The following BASP1 variants were observed in gnomAD, a reference collection of about 807,000 sequenced individuals.
BASP1 encodes brain abundant membrane attached signal protein 1, also known as brain acid soluble protein 1.
A neutral mutation model predicts 2.2 loss-of-function variants in BASP1; 1 was observed. The observed-to-expected ratio is 0.46, with a 90% CI of 0.16 to 2.17. The LOEUF is 2.17. Ranked by LOEUF, BASP1 falls within the 30% of genes most tolerant of loss-of-function variation. BASP1 has a pLI of 0.27. For synonymous variants in BASP1, 187 were observed against 154.2 expected, an observed-to-expected ratio of 1.21 and a Z score of -1.58; for missense variants, 352 against 327.2, an observed-to-expected ratio of 1.08 and a Z score of -0.58.
chr5:17,231,351 C>G (rs187617845), intron 1 of BASP1, among the ~76,000 whole-genome samples: 1 of 152,082 alleles, frequency 6.6e-6, no homozygotes, highest in Non-Finnish European at 1.5e-5. Context: ...CTACTTGAAG[C>G]CATTAATCTA....
intron 1 of BASP1, among the ~76,000 whole-genome samples, chr5:17,228,899 A>G (rs1159523121): frequency 1.3e-5 from 2 of 152,220 alleles, no homozygotes; most frequent in Non-Finnish European, 2.9e-5. Context: ...AGAATGATGT[A>G]ATGCTGCAAA....
In BASP1 at chr5:17,275,944, C is replaced by CCTCTCTCTCT. The variant is rs59080603; in HGVS notation, c.*61_*70dup. On this transcript the variant is annotated 3_prime_UTR_variant, in exon 2 of 2. Coordinates refer to ENST00000322611, the MANE Select transcript of BASP1 (RefSeq NM_006317.5). This position sits in a 1 kb window ranked among gnomAD's most constrained non-coding sequence, Gnocchi z 5.3. ...AAAACAATACCACTTAAAACAATCT[C>CCTCTCTCTCT]CTCTCTCTCTCTCTCTCTCTCTCTC... 146 of 1,084,386 alleles carry CCTCTCTCTCT rather than the reference C, an allele frequency of 1.3e-4. No individual in the cohort carries two copies. In the East Asian group the frequency reaches 2.7e-3, roughly 20 times the overall value. The allele number at this position is 1,084,386 out of a possible 1,614,324, so 67.2% of individuals were successfully genotyped here.
In BASP1 at chr5:17,275,997, T is replaced by C; in HGVS notation, c.*97T>C. ...TCTCTCTCTCTATCTCCTCTCTCTCTCTCCTCTCCTATCTCTCCTCTCTCT... is the reference window on the plus strand; with the variant it reads ...TCTCTCTCTCTATCTCCTCTCTCTCCCTCCTCTCCTATCTCTCCTCTCTCT... On this transcript the variant is annotated 3_prime_UTR_variant, in exon 2 of 2. Coordinates refer to ENST00000322611, the MANE Select transcript of BASP1 (RefSeq NM_006317.5). The surrounding 1 kb of genome is among the most constrained non-coding windows in gnomAD (Gnocchi z 5.3). The C allele has an allele frequency of 1.8e-6, 2 of 1,084,816 alleles. No individual in the cohort carries two copies. The highest frequency in any genetic ancestry group is 6.9e-5 in the Admixed American group (2 of 29,096). The allele number at this position is 1,084,816 out of a possible 1,614,324, so 67.2% of individuals were successfully genotyped here.
chr5:17,218,984 G>T (rs1540599), intron 1 of BASP1, among the ~76,000 whole-genome samples: 83,346 of 144,444 alleles, frequency 0.58, 23,108 homozygotes, highest in African/African-American at 0.67. Context: ...CATTTTTTAG[G>T]ACCTTGTACA....
chr5:17,244,254 A>G (rs1739931896), intron 1 of BASP1, among the ~76,000 whole-genome samples: 1 of 152,226 alleles, frequency 6.6e-6, no homozygotes, highest in South Asian at 2.1e-4. Context: ...ATCTGCTTAT[A>G]AGTGATCTAC....
intron 1 of BASP1, among the ~76,000 whole-genome samples, chr5:17,248,547 T>C (rs1006136318): frequency 6.6e-6 from 1 of 152,202 alleles, no homozygotes; most frequent in Non-Finnish European, 1.5e-5. Flanking sequence ...TATGCTGTTG[T>C]TTAATAATCA....
In BASP1 at chr5:17,275,593, C is replaced by T. The variant is rs571683464; in HGVS notation, c.377C>T (p.Ala126Val). 1.7e-5 allele frequency: 24 copies of T among 1,410,310 alleles called. 1 individual carries two copies. The South Asian group carries it at 3.2e-4, about 19-fold the overall frequency. 87.4% of individuals were successfully genotyped at this position (1,410,310 alleles called of 1,614,324 possible). ...GGEAPKAAEA[A>V]AAPAESAAPA... ...GAGGCCCCCAAAGCTGCTGAGGCCG[C>T]CGCGGCCCCGGCCGAGAGCGCGGCC... is the stretch of plus-strand genomic sequence containing the variant. Residue 126 changes from alanine (A) to valine (V), a missense_variant, in exon 2 of 2, where the codon GCC (alanine) becomes GTC (valine). Ala to Val is a moderately conservative substitution (Grantham distance 64). Transcript: ENST00000322611. The surrounding 1 kb of genome is among the most constrained non-coding windows in gnomAD (Gnocchi z 5.3).
chr5:17,264,271 T>C lies in BASP1; in HGVS notation c.-9-10937T>C, dbSNP rs568562931. 8.5e-5 allele frequency among the ~76,000 whole-genome samples: 13 copies of C among 152,372 alleles called. No homozygotes were observed. In the East Asian group the frequency reaches 1.3e-3, roughly 16 times the overall value. On this transcript the variant is annotated intron_variant, in intron 1 of 1. Coordinates refer to ENST00000322611, the MANE Select transcript of BASP1 (RefSeq NM_006317.5). ...CTTTTTTATTGTTTGTAAATTCTTT[T>C]CTTTATATAAAAAAGAATTTTTTCC...
chr5:17,243,474 C>T (rs1739913751), intron 1 of BASP1, among the ~76,000 whole-genome samples: 1 of 152,076 alleles, frequency 6.6e-6, no homozygotes, highest in South Asian at 2.1e-4. Flanking sequence ...TTCTTAACTT[C>T]AGTTTCCGGT....
At chr5:17,248,720 A>G (rs1342006002) in intron 1 of BASP1, among the ~76,000 whole-genome samples, 1 of 152,198 alleles carries the variant, frequency 6.6e-6, no homozygotes, top group East Asian at 1.9e-4. Context: ...CCATGTCCTA[A>G]AACACGCATA....
At chr5:17,228,485 A>C (rs1363447603) in intron 1 of BASP1, among the ~76,000 whole-genome samples, 1 of 152,222 alleles carries the variant, frequency 6.6e-6, no homozygotes. Context: ...ATTTAACTTA[A>C]AAGTGAATTT....
At chr5:17,237,915 G>A (rs1739783418) in intron 1 of BASP1, among the ~76,000 whole-genome samples, 1 of 152,036 alleles carries the variant, frequency 6.6e-6, no homozygotes, top group South Asian at 2.1e-4. Context: ...CCGGCCCCCT[G>A]ACATTGCTTT....
chr5:17,254,668 A>G (rs999384253), intron 1 of BASP1, among the ~76,000 whole-genome samples: 1 of 152,216 alleles, frequency 6.6e-6, no homozygotes, highest in Non-Finnish European at 1.5e-5. Flanking sequence ...TTTTAATTGG[A>G]GAAGATTTGC....
chr5:17,246,323 TAAA>T (rs772842709), intron 1 of BASP1, among the ~76,000 whole-genome samples: 1 of 134,906 alleles, frequency 7.4e-6, no homozygotes. Context: ...CTACTAAAGA[TAAA>T]AAAAAAAAAA....
chr5:17,254,736 T>G (rs970633343), intron 1 of BASP1, among the ~76,000 whole-genome samples: 2 of 152,220 alleles, frequency 1.3e-5, no homozygotes, highest in Non-Finnish European at 2.9e-5. Context: ...ATACTGAAAT[T>G]TAGTATGTAC....
chr5:17,251,312 T>C lies in BASP1; in HGVS notation c.-9-23896T>C, dbSNP rs1034506186. On this transcript the variant is annotated intron_variant, in intron 1 of 1. Coordinates refer to ENST00000322611, the MANE Select transcript of BASP1 (RefSeq NM_006317.5). This position sits in a 1 kb window ranked among gnomAD's most constrained non-coding sequence, Gnocchi z 4.0. Reference sequence around the variant, plus strand: ...ACCCCCAAAATACATAAAATGGTTATACATCAATACAAAAGCATTAAACAT... The same window carrying C: ...ACCCCCAAAATACATAAAATGGTTACACATCAATACAAAAGCATTAAACAT... Among the ~76,000 whole-genome samples the C allele has an allele frequency of 4.6e-5, 7 of 152,246 alleles. No individual in the cohort carries two copies. Among genetic ancestry groups the C allele is most frequent in the Admixed American group, 3.3e-4 (5 of 15,278 alleles).
intron 1 of BASP1, among the ~76,000 whole-genome samples, chr5:17,258,400 G>A (rs946109710): frequency 1.3e-5 from 2 of 152,190 alleles, no homozygotes; most frequent in Non-Finnish European, 2.9e-5. Context: ...TGCAGCCCCT[G>A]CACTACTTGT....
intron 1 of BASP1, among the ~76,000 whole-genome samples, chr5:17,227,685 T>C (rs1739544553): frequency 6.6e-6 from 1 of 152,130 alleles, no homozygotes; most frequent in African/African-American, 2.4e-5. Flanking sequence ...ATTACAGGCG[T>C]GAGCCACCAT....
rs998073735 is a variant in BASP1 at position 17,217,705 on chromosome 5, GGA to G, written c.-109_-108del. 6.5e-6 allele frequency: 1 copy of G among 153,924 alleles called. No individual in the cohort carries two copies. The highest frequency in any genetic ancestry group is 1.5e-5 in the Non-Finnish European group (1 of 68,714). The allele number at this position is 153,924 out of a possible 1,614,324, so 9.5% of individuals were successfully genotyped here. ...CGCTCCGGGCTCCGCCGTCGAGCCG[GGA>G]GAGAGCCTCCGCCAGCGGCCAGGCA... is the stretch of plus-strand genomic sequence containing the variant. On this transcript the variant is annotated 5_prime_UTR_variant, in exon 1 of 2. Coordinates refer to ENST00000322611, the MANE Select transcript of BASP1 (RefSeq NM_006317.5).
Sources: gnomAD v4.1 joint callset for allele counts (sites outside exome capture counted in the v4.1 genomes callset) on GRCh38, gnomAD v4.1.1 for gene constraint, Gnocchi (gnomAD v3.1) non-coding constraint, MANE v1.5 for transcripts, NCBI Gene and HGNC (gene_info 2026-07-23, HGNC 2026-07-21) for gene names.